The following PCDHGB2 variants were observed in gnomAD, a reference collection of about 807,000 sequenced individuals.
PCDHGB2 encodes protocadherin gamma-B2.
Under a neutral mutation model 59.3 loss-of-function variants are expected in PCDHGB2, and 55 were observed. That is an observed-to-expected ratio of 0.93 (90% CI 0.75 to 1.16). The LOEUF (loss-of-function observed/expected upper bound fraction) is 1.16. Ranked by LOEUF, PCDHGB2 falls within the 50% of genes most tolerant of loss-of-function variation. PCDHGB2 has a pLI of 0.00. For synonymous variants in PCDHGB2, 516 were observed against 512.0 expected (o/e 1.01, Z -0.11); for missense variants, 1,228 against 1,198.5 (o/e 1.02, Z -0.36).
chr5:141,480,651 C>T (rs780138971), intron 1 of PCDHGB2, among the ~76,000 whole-genome samples: 1 of 152,174 alleles, frequency 6.6e-6, no homozygotes, highest in African/African-American at 2.4e-5. Flanking sequence ...CTTGGTTGCA[C>T]ATTAAAATCA....
At chr5:141,417,003 A>T (rs1444236854) in intron 1 of PCDHGB2, 1 of 150,264 alleles carries the variant, frequency 6.7e-6, no homozygotes, top group African/African-American at 2.5e-5. Flanking sequence ...CATCTCAAAT[A>T]ATTCTATTAT....
intron 1 of PCDHGB2, chr5:141,427,474 A>G (rs373512099): frequency 3.7e-5 from 19 of 520,294 alleles, no homozygotes; most frequent in African/African-American, 1.5e-4. Context: ...TCTTCCGCCA[A>G]TAATGACTAT....
At position 141,477,458 on chromosome 5, in the gene PCDHGB2, T is replaced by C; in HGVS notation, c.2422-17349T>C. 6.2e-7 allele frequency: 1 copy of C among 1,614,126 alleles called. No homozygotes were observed. The highest frequency in any genetic ancestry group is 8.5e-7 in the Non-Finnish European group (1 of 1,180,022). ...CCTTACAATAGTGCGTGTTCAAGTG[T>C]CCGACATCAATGACAACCCTCCACA... On this transcript the variant is annotated intron_variant, in intron 1 of 3. Transcript: ENST00000522605. This position sits in a 1 kb window ranked among gnomAD's most constrained non-coding sequence, Gnocchi z 4.9.
At chr5:141,465,880 TG>T (rs2154569018) in intron 1 of PCDHGB2, among the ~76,000 whole-genome samples, 1 of 152,096 alleles carries the variant, frequency 6.6e-6, no homozygotes, top group East Asian at 1.9e-4. Context: ...CCCAGCACTT[TG>T]GGAGGCCGAG....
intron 1 of PCDHGB2, chr5:141,420,114 A>G: frequency 6.2e-7 from 1 of 1,614,032 alleles, no homozygotes; most frequent in Non-Finnish European, 8.5e-7. Context: ...CCCTATGCCT[A>G]TAATTTTTGT....
chr5:141,394,580 C>G, intron 1 of PCDHGB2: 1 of 1,613,914 alleles, frequency 6.2e-7, no homozygotes, highest in Non-Finnish European at 8.5e-7. Flanking sequence ...ACCTGGTGAC[C>G]AAGGTGGTGG....
At chr5:141,452,000 A>G (rs2098730428) in intron 1 of PCDHGB2, among the ~76,000 whole-genome samples, 1 of 152,198 alleles carries the variant, frequency 6.6e-6, no homozygotes, top group Admixed American at 6.5e-5. Flanking sequence ...AAGCAAAATC[A>G]CTTGGTCCAG....
chr5:141,415,112 T>G, intron 1 of PCDHGB2: 1 of 1,613,626 alleles, frequency 6.2e-7, no homozygotes, highest in Non-Finnish European at 8.5e-7. Flanking sequence ...AAGCAAAGCC[T>G]CGTAGTGGCC....
At chr5:141,422,959 C>G in intron 1 of PCDHGB2, 1 of 1,614,234 alleles carries the variant, frequency 6.2e-7, no homozygotes, top group Non-Finnish European at 8.5e-7. Flanking sequence ...TGGCGTGGAG[C>G]TGGCGCCCCG....
At position 141,511,424 on chromosome 5, in the gene PCDHGB2, G is replaced by A. The variant is rs939906846; in HGVS notation, c.*251G>A. 10 of 810,392 alleles carry A rather than the reference G, an allele frequency of 1.2e-5. No homozygotes were observed. Among genetic ancestry groups the A allele is most frequent in the East Asian group, 3.0e-5 (1 of 33,800 alleles). The allele number at this position is 810,392 out of a possible 1,614,324, so 50.2% of individuals were successfully genotyped here. On this transcript the variant is annotated 3_prime_UTR_variant, in exon 4 of 4. Transcript: ENST00000522605. The stretch of plus-strand genomic sequence containing the variant: ...ATCAACTGCTGTACCCATGGGGGTA[G>A]TGGGGTTACTGTAGACACCAAGAAC...
chr5:141,491,291 C>T lies in PCDHGB2; in HGVS notation c.2422-3516C>T. 1 of 1,614,152 alleles carries T rather than the reference C, an allele frequency of 6.2e-7. No homozygotes were observed. The highest frequency in any genetic ancestry group is 8.5e-7 in the Non-Finnish European group (1 of 1,179,974). On this transcript the variant is annotated intron_variant, in intron 1 of 3. Coordinates refer to ENST00000522605, the MANE Select transcript of PCDHGB2 (RefSeq NM_018923.3). This position sits in a 1 kb window ranked among gnomAD's most constrained non-coding sequence, Gnocchi z 6.9. The stretch of plus-strand genomic sequence containing the variant: ...AAATCCAGTGACTTCCTCATACACC[C>T]TCCTGAGCGTTCAGACCTTACCCTT...
intron 1 of PCDHGB2, among the ~76,000 whole-genome samples, chr5:141,451,072 C>A (rs2098705989): frequency 6.6e-6 from 1 of 152,026 alleles, no homozygotes; most frequent in African/African-American, 2.4e-5. Context: ...TTGTGATCCA[C>A]CCACCTTGAC....
chr5:141,403,247 A>T, intron 1 of PCDHGB2: 1 of 1,613,910 alleles, frequency 6.2e-7, no homozygotes, highest in Middle Eastern at 1.6e-4. Flanking sequence ...CTGTGCTCAG[A>T]GCCCGCGGTG....
At chr5:141,427,276 T>G (rs1281222927) in intron 1 of PCDHGB2, 1 of 456,754 alleles carries the variant, frequency 2.2e-6, no homozygotes, top group Non-Finnish European at 4.4e-6. Context: ...GAATGTAAAA[T>G]TATACTAGAA....
At position 141,476,311 on chromosome 5, in the gene PCDHGB2, G is replaced by C. The variant is rs772962568; in HGVS notation, c.2422-18496G>C. ...ATCTCGGTAGCCTCTCAGCCCGCAGGTTCCGGGTGGTGTCTGGAGCTAGCC... is the reference window on the plus strand; with the variant it reads ...ATCTCGGTAGCCTCTCAGCCCGCAGCTTCCGGGTGGTGTCTGGAGCTAGCC... On this transcript the variant is annotated intron_variant, in intron 1 of 3. Transcript: ENST00000522605. The surrounding 1 kb of genome is among the most constrained non-coding windows in gnomAD (Gnocchi z 7.6). 18 of 1,613,680 alleles carry C rather than the reference G, an allele frequency of 1.1e-5. No homozygotes were observed. Among genetic ancestry groups the C allele is most frequent in the African/African-American group, 2.7e-5 (2 of 74,766 alleles).
chr5:141,439,056 T>C (rs2098084461), intron 1 of PCDHGB2, among the ~76,000 whole-genome samples: 1 of 151,260 alleles, frequency 6.6e-6, no homozygotes, highest in Non-Finnish European at 1.5e-5. Flanking sequence ...TTCCATATTG[T>C]GTGGCAGGCG....
At chr5:141,399,779 G>T in intron 1 of PCDHGB2, 2 of 1,613,282 alleles carry the variant, frequency 1.2e-6, no homozygotes, top group South Asian at 1.1e-5. Flanking sequence ...GTGGGCGACC[G>T]AAACGACAAC....
chr5:141,384,962 A>G (rs1303034041), intron 1 of PCDHGB2: 1 of 1,613,130 alleles, frequency 6.2e-7, no homozygotes, highest in East Asian at 2.2e-5. Flanking sequence ...TACAACTATG[A>G]CCTCACGTTG....
In PCDHGB2 at chr5:141,432,540, T is replaced by C. The variant is rs147884705; in HGVS notation, c.2422-62267T>C. The C allele has an allele frequency of 1.2e-6, 2 of 1,613,726 alleles. No homozygotes were observed. The highest frequency in any genetic ancestry group is 2.2e-5 in the South Asian group (2 of 91,058). On this transcript the variant is annotated intron_variant, in intron 1 of 3. Transcript: ENST00000522605. The surrounding 1 kb of genome is among the most constrained non-coding windows in gnomAD (Gnocchi z 6.0). ...TACCTGGTGACCAAGGTGGTGGCGG[T>C]GGACAGAGACTCCGGCCAGAACGCC...
Sources: gnomAD v4.1 joint callset for allele counts (sites outside exome capture counted in the v4.1 genomes callset) on GRCh38, gnomAD v4.1.1 for gene constraint, Gnocchi (gnomAD v3.1) non-coding constraint, MANE v1.5 for transcripts, NCBI Gene and HGNC (gene_info 2026-07-23, HGNC 2026-07-21) for gene names.